The following PSTK variants were observed in gnomAD, a reference collection of about 807,000 sequenced individuals.
The protein encoded by PSTK is phosphoseryl-tRNA kinase.
Under a neutral mutation model 38.6 loss-of-function variants are expected in PSTK, and 26 were observed. The ratio of observed to expected loss-of-function variants is 0.67; its 90% CI spans 0.49 to 0.94. The LOEUF is 0.94. Among genes scored for constraint, PSTK ranks in the 40% least tolerant of loss-of-function variants. The pLI, the probability that PSTK is intolerant of heterozygous loss-of-function variation, is 0.00. For synonymous variants in PSTK, 181 were observed against 161.7 expected (o/e 1.12, Z -0.91); for missense variants, 445 against 436.3 (o/e 1.02, Z -0.18).
chr10:122,987,439 G>C, intron 5 of PSTK: 1 of 1,614,198 alleles, frequency 6.2e-7, no homozygotes, highest in South Asian at 1.1e-5. Flanking sequence ...ATCAAGTGCA[G>C]AAGCGCAAAG....
intron 5 of PSTK, chr10:122,987,201 G>A (rs1849046875): frequency 7.8e-7 from 1 of 1,282,670 alleles, no homozygotes; most frequent in Non-Finnish European, 1.1e-6. Flanking sequence ...TAGATGCTGG[G>A]GAATCGGCAG....
chr10:122,982,730 T>C lies in PSTK; in HGVS notation c.217-3T>C. On this transcript the variant is annotated splice_region_variant and splice_polypyrimidine_tract_variant and intron_variant, in intron 1 of 5. Transcript: ENST00000406217. Reference sequence around the variant, plus strand: ...TGAATTGCAATTCTTTGGTCTCTTGTAGCCATCCCAATGGAAATTGCTTCG... The same window carrying C: ...TGAATTGCAATTCTTTGGTCTCTTGCAGCCATCCCAATGGAAATTGCTTCG... 2 of 1,613,874 alleles carry C rather than the reference T, an allele frequency of 1.2e-6. No individual in the cohort carries two copies. The highest frequency in any genetic ancestry group is 2.2e-5 in the South Asian group (2 of 91,082).
chr10:122,989,630 A>G (rs990221383), intron 5 of PSTK, among the ~76,000 whole-genome samples: 1 of 152,216 alleles, frequency 6.6e-6, no homozygotes, highest in Non-Finnish European at 1.5e-5. Context: ...AAAACACTGT[A>G]TCATACAGAT....
intron 5 of PSTK, among the ~76,000 whole-genome samples, chr10:122,988,660 G>A (rs1395870698): frequency 6.6e-6 from 1 of 152,110 alleles, no homozygotes; most frequent in South Asian, 2.1e-4. Flanking sequence ...TAGTCATTGG[G>A]GAAATACAAA....
chr10:122,986,247 A>AT, intron 3 of PSTK, 53 bp from the exon 4 acceptor site: 27 of 1,091,442 alleles, frequency 2.5e-5, no homozygotes, highest in Middle Eastern at 2.8e-4. Flanking sequence ...AAAAAAAAAA[A>AT]GTCAGATGTT....
Position 122,982,921 on chromosome 10 carries a change from C to T in PSTK, c.405C>T (p.Tyr135=). 1 of 1,614,158 alleles carries T rather than the reference C, an allele frequency of 6.2e-7. No homozygotes were observed. Among genetic ancestry groups the T allele is most frequent in the Non-Finnish European group, 8.5e-7 (1 of 1,180,008 alleles). Residue 135 remains tyrosine (Y), a synonymous_variant, in exon 2 of 6, where the codon TAC becomes TAT. Coordinates refer to ENST00000406217, the MANE Select transcript of PSTK (RefSeq NM_001363531.2). ...CAGCATTTGAGGCCCAGTCTTGCTA[C>T]CTCTTAACAAAAACTGCTGTTTCTA... ...FSAAFEAQSC[Y]LLTKTAVSRP... is the part of the protein sequence containing the mutation.
Position 122,980,647 on chromosome 10 carries a change from T to C in PSTK, c.168T>C (p.Asp56=). 1 of 1,609,560 alleles carries C rather than the reference T, an allele frequency of 6.2e-7. No homozygotes were observed. Among genetic ancestry groups the C allele is most frequent in the Non-Finnish European group, 8.5e-7 (1 of 1,178,528 alleles). Residue 56 remains aspartate, a synonymous_variant, in exon 1 of 6, where the codon GAT becomes GAC. Coordinates refer to ENST00000406217, the MANE Select transcript of PSTK (RefSeq NM_001363531.2). The surrounding 1 kb of genome is among the most constrained non-coding windows in gnomAD (Gnocchi z 4.3). ...QGWAIGVVAY[D]DVMPDAFLAG... The stretch of plus-strand genomic sequence containing the variant: ...GGGCCATCGGTGTTGTCGCGTATGA[T>C]GACGTCATGCCCGACGCGTTTCTCG...
Position 122,983,521 on chromosome 10 carries a change from T to C in PSTK, c.707+51T>C, listed in dbSNP as rs367827091. 1.2e-5 allele frequency: 18 copies of C among 1,518,852 alleles called. No individual in the cohort carries two copies. The African/African-American group carries it at 1.9e-4, about 16-fold the overall frequency. The allele number at this position is 1,518,852 out of a possible 1,614,324, so 94.1% of individuals were successfully genotyped here. ...GGATGCTCCCCTGTGCCAGGTATCA[T>C]GGTCAGTGCTTTGTCTATGTTGGTT... On this transcript the variant is annotated intron_variant, in intron 3 of 5. Transcript: ENST00000406217.
intron 4 of PSTK, 78 bp downstream of exon 4, chr10:122,986,453 A>G (rs776384870): frequency 9.6e-7 from 1 of 1,045,510 alleles, no homozygotes; most frequent in Non-Finnish European, 1.5e-6. Context: ...CGAATATAAA[A>G]TGTGAGTGAA....
chr10:122,986,247 A>AAAAT, intron 3 of PSTK, 53 bp from the exon 4 acceptor site: 1 of 1,091,510 alleles, frequency 9.2e-7, no homozygotes, highest in Non-Finnish European at 1.3e-6. Context: ...AAAAAAAAAA[A>AAAAT]GTCAGATGTT....
Position 122,980,675 on chromosome 10 carries a change from G to C in PSTK, c.196G>C (p.Gly66Arg), listed in dbSNP as rs749018648. 1.9e-6 allele frequency: 3 copies of C among 1,567,350 alleles called. No individual in the cohort carries two copies. The highest frequency in any genetic ancestry group is 2.6e-6 in the Non-Finnish European group (3 of 1,153,564). ...DDVMPDAFLA[G>R]ARARPAPSQW... ...CGTCATGCCCGACGCGTTTCTCGCC[G>C]GGGCAAGAGCGCGACCGGCGGTCAG... The change falls in exon 1 of 6, where the codon GGG becomes CGG. Residue 66 changes from glycine to arginine, a missense_variant. By Grantham distance (125) the Gly-to-Arg change is moderately radical (BLOSUM62 -2). Coordinates refer to ENST00000406217, the MANE Select transcript of PSTK (RefSeq NM_001363531.2). This position sits in a 1 kb window ranked among gnomAD's most constrained non-coding sequence, Gnocchi z 4.3.
chr10:122,985,588 T>G (rs1849022195), intron 3 of PSTK: 1 of 152,156 alleles, frequency 6.6e-6, no homozygotes, highest in Non-Finnish European at 1.5e-5. Context: ...GTGAGAAACT[T>G]TGCTCATCCA....
Position 122,982,755 on chromosome 10 carries a change from G to C in PSTK, c.239G>C (p.Arg80Pro). 1 of 1,614,106 alleles carries C rather than the reference G, an allele frequency of 6.2e-7. No individual in the cohort carries two copies. Among genetic ancestry groups the C allele is most frequent in the South Asian group, 1.1e-5 (1 of 91,058 alleles). Residue 80 changes from arginine (R) to proline (P), a missense_variant, in exon 2 of 6, where the codon CGA (arginine) becomes CCA (proline). Physicochemically the swap from Arg to Pro is moderately radical, Grantham distance 103. Coordinates refer to ENST00000406217, the MANE Select transcript of PSTK (RefSeq NM_001363531.2). The part of the protein sequence containing the change: ...RPAPSQWKLL[R>P]QELLKYLEYF... ...TAGCCATCCCAATGGAAATTGCTTC[G>C]ACAGGAACTGTTGAAGTACCTGGAA...
At chr10:122,987,176 T>C (rs1468337620) in intron 5 of PSTK, among the ~76,000 whole-genome samples, 2 of 152,230 alleles carry the variant, frequency 1.3e-5, no homozygotes, top group Non-Finnish European at 2.9e-5. Context: ...TGCCTTACTG[T>C]ACTAGGCCTT....
At chr10:122,987,334 G>C (rs1202325140) in intron 5 of PSTK, 1 of 1,612,824 alleles carries the variant, frequency 6.2e-7, no homozygotes, top group East Asian at 2.2e-5. Flanking sequence ...TTTTAAAAAG[G>C]TAATCAGGAA....
At position 122,986,378 on chromosome 10, in the gene PSTK, A is replaced by G; in HGVS notation, c.783+3A>G. 1 of 1,590,988 alleles carries G rather than the reference A, an allele frequency of 6.3e-7. No individual in the cohort carries two copies. The highest frequency in any genetic ancestry group is 1.1e-5 in the South Asian group (1 of 90,626). ...CTGAGGACAATATGGAACAAAAGGTAAACTTCCAGTGTAAATTTAATGTAA... is the reference window on the plus strand; with the variant it reads ...CTGAGGACAATATGGAACAAAAGGTGAACTTCCAGTGTAAATTTAATGTAA... On this transcript the variant is annotated splice_donor_region_variant and intron_variant, in intron 4 of 5. Transcript: ENST00000406217.
Position 122,980,553 on chromosome 10 carries a change from G to T in PSTK, c.74G>T (p.Gly25Val). The change falls in exon 1 of 6, where the codon GGC becomes GTC. Residue 25 changes from glycine (G) to valine (V), a missense_variant. Coordinates refer to ENST00000406217, the MANE Select transcript of PSTK (RefSeq NM_001363531.2). This position sits in a 1 kb window ranked among gnomAD's most constrained non-coding sequence, Gnocchi z 4.3. ...AAACGAGGCCTCTGCGTCCTCTGTG[G>T]CCTCCCCGCGGCAGGAAAATCGACT... ...PRKRGLCVLC[G>V]LPAAGKSTFA... 6.2e-7 allele frequency: 1 copy of T among 1,611,710 alleles called. No individual in the cohort carries two copies. Among genetic ancestry groups the T allele is most frequent in the Non-Finnish European group, 8.5e-7 (1 of 1,179,616 alleles).
chr10:122,982,793 G>A lies in PSTK; in HGVS notation c.277G>A (p.Ala93Thr), dbSNP rs780002302. The A allele has an allele frequency of 6.2e-6, 10 of 1,613,990 alleles. No homozygotes were observed. The highest frequency in any genetic ancestry group is 1.6e-4 in the Middle Eastern group (1 of 6,084). Residue 93 changes from alanine (A) to threonine (T), a missense_variant, in exon 2 of 6, where the codon GCT becomes ACT. Ala to Thr is a moderately conservative substitution (Grantham distance 58). Coordinates refer to ENST00000406217, the MANE Select transcript of PSTK (RefSeq NM_001363531.2). ...LLKYLEYFLM[A>T]VINGCQMSVP... ...GAAGTACCTGGAATACTTCTTGATG[G>A]CTGTCATTAATGGGTGTCAGATGTC...
chr10:122,985,438 C>G (rs1446106087), intron 3 of PSTK: 1 of 152,246 alleles, frequency 6.6e-6, no homozygotes, highest in Admixed American at 6.5e-5. Flanking sequence ...ATTACATTAT[C>G]AGCCTTGGCA....
Sources: gnomAD v4.1 joint callset for allele counts (sites outside exome capture counted in the v4.1 genomes callset) on GRCh38, gnomAD v4.1.1 for gene constraint, Gnocchi (gnomAD v3.1) non-coding constraint, MANE v1.5 for transcripts, NCBI Gene and HGNC (gene_info 2026-07-23, HGNC 2026-07-21) for gene names.